The following SEPTIN7 variants were observed in gnomAD, a reference collection of about 807,000 sequenced individuals.
SEPTIN7 encodes the protein septin-7.
Under a neutral mutation model 63.3 loss-of-function variants are expected in SEPTIN7, and 10 were observed. The observed-to-expected ratio is 0.16, with a 90% CI of 0.10 to 0.27. The LOEUF (loss-of-function observed/expected upper bound fraction) is 0.27. Among genes scored for constraint, SEPTIN7 ranks in the 10% least tolerant of loss-of-function variants. SEPTIN7 has a pLI of 1.00. For synonymous variants in SEPTIN7, 131 were observed against 165.3 expected, an observed-to-expected ratio of 0.79 and a Z score of 1.59; for missense variants, 310 against 521.0, an observed-to-expected ratio of 0.59 and a Z score of 3.94.
At chr7:35,827,842 C>T (rs1239883338) in intron 1 of SEPTIN7, among the ~76,000 whole-genome samples, 2 of 152,104 alleles carry the variant, frequency 1.3e-5, no homozygotes, top group South Asian at 2.1e-4. Context: ...GCTTCAGAGC[C>T]ATATTTTTGT....
intron 7 of SEPTIN7, among the ~76,000 whole-genome samples, chr7:35,882,266 T>C (rs148088295): frequency 1.1e-4 from 16 of 150,710 alleles, no homozygotes; most frequent in African/African-American, 3.7e-4. Context: ...ACTTCGGAAG[T>C]AATTGGATTT....
rs1344921639 is a variant in SEPTIN7, at chr7:35,863,127, G to A, written c.170-425G>A. 2.6e-5 allele frequency among the ~76,000 whole-genome samples: 4 copies of A among 152,028 alleles called. No homozygotes were observed. The East Asian group carries it at 7.7e-4, about 29-fold the overall frequency. Reference sequence around the variant, plus strand: ...TCATTGTGATTAATTCTTTGTATTAGCAGATTTTTGCTTTTTATAGTTGCA... The same window carrying A: ...TCATTGTGATTAATTCTTTGTATTAACAGATTTTTGCTTTTTATAGTTGCA... On this transcript the variant is annotated intron_variant, in intron 3 of 13. Transcript: ENST00000350320.
chr7:35,815,212 C>T, intron 1 of SEPTIN7: 3 of 419,338 alleles, frequency 7.2e-6, no homozygotes, highest in South Asian at 1.7e-5. Flanking sequence ...AACCATTGTC[C>T]AAGGAGTCCA....
intron 1 of SEPTIN7, among the ~76,000 whole-genome samples, chr7:35,811,281 A>G (rs1246609936): frequency 1.3e-5 from 2 of 152,148 alleles, no homozygotes; most frequent in Non-Finnish European, 2.9e-5. Context: ...GAGGCGATCT[A>G]TACAAGGAAA....
At chr7:35,823,414 T>A (rs964781199) in intron 1 of SEPTIN7, among the ~76,000 whole-genome samples, 6 of 152,192 alleles carry the variant, frequency 3.9e-5, no homozygotes, top group Non-Finnish European at 7.3e-5. Context: ...TTGGTCAGGC[T>A]GATCTTGAAC....
chr7:35,850,876 C>T (rs1784922803), intron 3 of SEPTIN7, among the ~76,000 whole-genome samples: 1 of 152,092 alleles, frequency 6.6e-6, no homozygotes, highest in Admixed American at 6.5e-5. Flanking sequence ...CTACTTTAGT[C>T]TCAGAAAATC....
Position 35,903,070 on chromosome 7 carries a change from A to G in SEPTIN7, c.1135-6A>G. 1.3e-6 allele frequency: 2 copies of G among 1,538,222 alleles called. No individual in the cohort carries two copies. The highest frequency in any genetic ancestry group is 1.7e-6 in the Non-Finnish European group (2 of 1,144,522). ...GTTTTGTTTTATATATTGTGCTATG[A>G]TTTAGCTCCAGCGGCGCCATGAGCA... On this transcript the variant is annotated splice_polypyrimidine_tract_variant and splice_region_variant and intron_variant, in intron 12 of 13. Transcript: ENST00000350320.
intron 12 of SEPTIN7, chr7:35,900,242 A>G (rs754508911): frequency 3.9e-5 from 6 of 152,206 alleles, no homozygotes; most frequent in Non-Finnish European, 7.3e-5. Context: ...TCTTATTAAA[A>G]TCTTTCACTG....
In SEPTIN7 at chr7:35,872,780, G is replaced by A; in HGVS notation, c.377+14G>A. The stretch of plus-strand genomic sequence containing the variant: ...TAATAGTAATTGGTAAGAAGGGTTT[G>A]TCCTCACAACTTTGCAGTGCATTTG... On this transcript the variant is annotated intron_variant, in intron 5 of 13. Coordinates refer to ENST00000350320, the MANE Select transcript of SEPTIN7 (RefSeq NM_001788.6). The A allele has an allele frequency of 1.3e-6, 2 of 1,575,356 alleles. No homozygotes were observed. Among genetic ancestry groups the A allele is most frequent in the Non-Finnish European group, 1.7e-6 (2 of 1,144,970 alleles).
chr7:35,915,690 C>T, the SEPTIN7 span, among the ~76,000 whole-genome samples: 1 of 152,214 alleles, frequency 6.6e-6, no homozygotes, highest in South Asian at 2.1e-4. Flanking sequence ...CCACCGCAAA[C>T]AGGCCTTGTT....
intron 1 of SEPTIN7, among the ~76,000 whole-genome samples, chr7:35,819,366 A>G (rs952653474): frequency 3.3e-5 from 5 of 152,176 alleles, no homozygotes; most frequent in African/African-American, 1.2e-4. Flanking sequence ...GTGATCTAAC[A>G]TATGGTCTCT....
intron 1 of SEPTIN7, among the ~76,000 whole-genome samples, chr7:35,809,640 G>A (rs1034241438): frequency 1.3e-5 from 2 of 152,200 alleles, no homozygotes; most frequent in Non-Finnish European, 2.9e-5. Flanking sequence ...AAAGTCGGTA[G>A]GAGTGATTAG....
chr7:35,844,188 A>G (rs569425273), intron 3 of SEPTIN7, among the ~76,000 whole-genome samples: 8 of 152,348 alleles, frequency 5.3e-5, no homozygotes, highest in East Asian at 1.9e-4. Flanking sequence ...TTCCAGGGAA[A>G]TGCACACTAC....
At chr7:35,810,037 A>T (rs1408433834) in intron 1 of SEPTIN7, among the ~76,000 whole-genome samples, 1 of 152,164 alleles carries the variant, frequency 6.6e-6, no homozygotes, top group East Asian at 1.9e-4. Context: ...AGATGAATAG[A>T]TGCTATTTCT....
chr7:35,851,561 A>T (rs1403074330), intron 3 of SEPTIN7, among the ~76,000 whole-genome samples: 1 of 152,040 alleles, frequency 6.6e-6, no homozygotes, highest in Non-Finnish European at 1.5e-5. Context: ...ATTATTCTGA[A>T]CTCTATTCTT....
At chr7:35,871,492 G>A (rs556886681) in intron 4 of SEPTIN7, among the ~76,000 whole-genome samples, 32 of 152,322 alleles carry the variant, frequency 2.1e-4, no homozygotes, top group African/African-American at 7.2e-4. Context: ...TTCAGTTGCT[G>A]CTCATAATAG....
At chr7:35,911,786 A>G (rs1027521590), downstream of SEPTIN7, among the ~76,000 whole-genome samples, 5 of 152,238 alleles carry the variant, frequency 3.3e-5, no homozygotes, top group Non-Finnish European at 5.9e-5. Flanking sequence ...AATTTGGGAA[A>G]GAATAAAAAA....
At chr7:35,863,822 A>T (rs139307241) in intron 4 of SEPTIN7, among the ~76,000 whole-genome samples, 164 bp downstream of exon 4, 1 of 151,134 alleles carries the variant, frequency 6.6e-6, no homozygotes, top group South Asian at 2.1e-4. Flanking sequence ...AAAAAAGTAC[A>T]GTTCATCAGA....
At chr7:35,851,261 T>G (rs1359005483) in intron 3 of SEPTIN7, among the ~76,000 whole-genome samples, 1 of 152,154 alleles carries the variant, frequency 6.6e-6, no homozygotes, top group Non-Finnish European at 1.5e-5. Context: ...TTTCTTAATT[T>G]TCATAGAGTA....
Sources: gnomAD v4.1 joint callset for allele counts (sites outside exome capture counted in the v4.1 genomes callset) on GRCh38, gnomAD v4.1.1 for gene constraint, MANE v1.5 for transcripts, NCBI Gene and HGNC (gene_info 2026-07-23, HGNC 2026-07-21) for gene names.